The following CFAP299 variants were observed in gnomAD, a reference collection of about 807,000 sequenced individuals.
CFAP299 encodes the protein cilia and flagella associated protein 299, also known as cilia- and flagella-associated protein 299.
CFAP299 carries 21 observed loss-of-function variants against 27.0 expected under a neutral mutation model. The ratio of observed to expected loss-of-function variants is 0.78; its 90% CI spans 0.55 to 1.12. The LOEUF (loss-of-function observed/expected upper bound fraction) is 1.12, where lower values mean the gene tolerates loss of function less well. Among genes scored for constraint, CFAP299 ranks in the 50% most tolerant of loss-of-function variants. CFAP299 has a pLI of 0.00. For missense variants in CFAP299, 310 were observed against 276.6 expected (o/e 1.12, Z -0.86); for synonymous variants, 104 against 98.1 (o/e 1.06, Z -0.36).
intron 2 of CFAP299, among the ~76,000 whole-genome samples, chr4:80,557,898 C>T (rs1734851546): frequency 2.6e-5 from 4 of 152,090 alleles, no homozygotes; most frequent in Non-Finnish European, 5.9e-5. Context: ...AAGTGATTAG[C>T]TAACTTTCGC....
chr4:80,478,763 A>T (rs1167494096), intron 2 of CFAP299, among the ~76,000 whole-genome samples: 1 of 151,590 alleles, frequency 6.6e-6, no homozygotes, highest in African/African-American at 2.4e-5. Context: ...GCTGTGAAAG[A>T]CATTGTTATA....
chr4:80,582,066 G>A (rs567003455), intron 2 of CFAP299, among the ~76,000 whole-genome samples: 4 of 151,840 alleles, frequency 2.6e-5, no homozygotes, highest in South Asian at 4.2e-4. Context: ...GCCATTACCC[G>A]ATTGCCTTGC....
intron 1 of CFAP299, among the ~76,000 whole-genome samples, chr4:80,341,565 G>C (rs1722455703): frequency 6.6e-6 from 1 of 152,104 alleles, no homozygotes; most frequent in Non-Finnish European, 1.5e-5. Flanking sequence ...AGGGTCTGCA[G>C]TGATCCCCCA....
chr4:80,483,409 C>T (rs947362865), intron 2 of CFAP299, among the ~76,000 whole-genome samples: 10 of 152,172 alleles, frequency 6.6e-5, no homozygotes, highest in African/African-American at 2.4e-4. Flanking sequence ...TTAAATTTTA[C>T]ATGAATTGTA....
intron 4 of CFAP299, among the ~76,000 whole-genome samples, chr4:80,913,714 A>G (rs1735595374): frequency 1.3e-5 from 2 of 152,216 alleles, no homozygotes; most frequent in Non-Finnish European, 2.9e-5. Context: ...TATAATCTAC[A>G]TACAATGAAA....
At chr4:80,814,371 G>A (rs539083149) in intron 3 of CFAP299, among the ~76,000 whole-genome samples, 4 of 152,080 alleles carry the variant, frequency 2.6e-5, no homozygotes, top group African/African-American at 9.6e-5. Flanking sequence ...AAACACAGAT[G>A]GACATGAGTA....
At chr4:80,552,226 A>G (rs1734558324) in intron 2 of CFAP299, among the ~76,000 whole-genome samples, 1 of 152,236 alleles carries the variant, frequency 6.6e-6, no homozygotes, top group Admixed American at 6.5e-5. Context: ...GAATATTAAT[A>G]TATCACTGGT....
chr4:80,669,590 G>A (rs62302191), intron 3 of CFAP299, among the ~76,000 whole-genome samples: 9 of 145,380 alleles, frequency 6.2e-5, no homozygotes, highest in Non-Finnish European at 1.1e-4. Context: ...TTTTTTTTTG[G>A]TAGAGTCTTT....
In CFAP299 at chr4:80,736,217, C is replaced by T. The variant is rs138099708; in HGVS notation, c.334-133776C>T. ...CTCTAGGGTTTTTATGGTTTTAGGT[C>T]GAACGTTTAAGTCTTTAATCCATCT... On this transcript the variant is annotated intron_variant, in intron 3 of 5. Coordinates refer to ENST00000358105, the MANE Select transcript of CFAP299 (RefSeq NM_152770.3). Among the ~76,000 whole-genome samples the T allele has an allele frequency of 3.6e-3, 548 of 152,066 alleles. 4 individuals are homozygous for T. The highest frequency in any genetic ancestry group is 0.012 in the African/African-American group (502 of 41,446).
At chr4:80,499,883 A>G (rs1203342047) in intron 2 of CFAP299, among the ~76,000 whole-genome samples, 1 of 152,106 alleles carries the variant, frequency 6.6e-6, no homozygotes, top group Non-Finnish European at 1.5e-5. Context: ...TGCCATTCAC[A>G]TCTCATATTT....
intron 2 of CFAP299, among the ~76,000 whole-genome samples, chr4:80,542,797 C>T (rs1160921389): frequency 1.3e-5 from 2 of 152,052 alleles, no homozygotes; most frequent in Non-Finnish European, 2.9e-5. Flanking sequence ...TTACTGATAG[C>T]CTCCTGCCAG....
intron 3 of CFAP299, among the ~76,000 whole-genome samples, chr4:80,629,987 A>T (rs4693537): frequency 0.63 from 95,311 of 151,986 alleles, 34,043 homozygotes; most frequent in Non-Finnish European, 0.79. Flanking sequence ...AAATTTTTAA[A>T]ATGTTTAGGT....
At chr4:80,469,612 T>C (rs1729883213) in intron 2 of CFAP299, among the ~76,000 whole-genome samples, 1 of 152,204 alleles carries the variant, frequency 6.6e-6, no homozygotes, top group African/African-American at 2.4e-5. Context: ...TTTAATATTA[T>C]CTGTGGGTCT....
intron 2 of CFAP299, among the ~76,000 whole-genome samples, chr4:80,532,934 C>T (rs965543291): frequency 6.6e-6 from 1 of 152,176 alleles, no homozygotes; most frequent in Non-Finnish European, 1.5e-5. Context: ...CTTTTTCTGA[C>T]CTTTTTTTTC....
chr4:80,506,363 T>C (rs1266853081), intron 2 of CFAP299, among the ~76,000 whole-genome samples: 1 of 152,118 alleles, frequency 6.6e-6, no homozygotes, highest in Non-Finnish European at 1.5e-5. Context: ...CAGTAGGAGT[T>C]GCGTGCATGC....
chr4:80,737,021 G>C (rs966932422), intron 3 of CFAP299, among the ~76,000 whole-genome samples: 32 of 152,248 alleles, frequency 2.1e-4, no homozygotes, highest in African/African-American at 6.7e-4. Flanking sequence ...TAGGGACATG[G>C]ATGAAATTGG....
chr4:80,670,338 A>G (rs1018052187), intron 3 of CFAP299, among the ~76,000 whole-genome samples: 2 of 152,160 alleles, frequency 1.3e-5, no homozygotes, highest in African/African-American at 4.8e-5. Context: ...TTATGGCTGC[A>G]TAGTATTCCA....
At chr4:80,538,241 T>C (rs555731700) in intron 2 of CFAP299, among the ~76,000 whole-genome samples, 147 of 152,278 alleles carry the variant, frequency 9.7e-4, no homozygotes, top group Middle Eastern at 6.8e-3. Flanking sequence ...TAAAGTCTTA[T>C]AGAAAGAAAA....
At chr4:80,368,964 G>T (rs1330371218) in intron 2 of CFAP299, among the ~76,000 whole-genome samples, 1 of 152,130 alleles carries the variant, frequency 6.6e-6, no homozygotes, top group African/African-American at 2.4e-5. Flanking sequence ...GCAAACACCT[G>T]TGAAAGGAAA....
Sources: gnomAD v4.1 joint callset for allele counts (sites outside exome capture counted in the v4.1 genomes callset) on GRCh38, gnomAD v4.1.1 for gene constraint, MANE v1.5 for transcripts, NCBI Gene and HGNC (gene_info 2026-07-23, HGNC 2026-07-21) for gene names.